Variants in PTPRT observed in about 807,000 individuals in gnomAD.
PTPRT encodes the protein receptor-type tyrosine-protein phosphatase T.
Under a neutral mutation model 176.8 loss-of-function variants are expected in PTPRT, and 56 were observed. The observed-to-expected ratio is 0.32, with a 90% CI of 0.26 to 0.40. The LOEUF is 0.40. PTPRT is among the 10% of genes least tolerant of loss of function. The probability of loss-of-function intolerance (pLI) is 1.00; values close to 1 mark genes in which losing one functional copy is unlikely to be tolerated. For missense variants in PTPRT, 1,540 were observed against 1,908.2 expected (o/e 0.81, Z 3.60); for synonymous variants, 783 against 739.0 (o/e 1.06, Z -0.96).
chr20:42,413,511 T>C (rs1284159139), intron 9 of PTPRT, among the ~76,000 whole-genome samples: 1 of 152,192 alleles, frequency 6.6e-6, no homozygotes, highest in African/African-American at 2.4e-5. Flanking sequence ...ATCTTACTTA[T>C]GAATATGGAC....
chr20:42,399,174 G>A (rs564275463), intron 9 of PTPRT, among the ~76,000 whole-genome samples: 7 of 152,262 alleles, frequency 4.6e-5, no homozygotes, highest in Admixed American at 6.5e-5. Flanking sequence ...TTAAGGGGCT[G>A]GAGACTTAGG....
At chr20:42,883,419 C>A (rs1031839747) in intron 2 of PTPRT, among the ~76,000 whole-genome samples, 3 of 151,856 alleles carry the variant, frequency 2.0e-5, no homozygotes, top group African/African-American at 7.3e-5. Flanking sequence ...AGAAACATGG[C>A]CCCCCGGTTT....
intron 17 of PTPRT, among the ~76,000 whole-genome samples, chr20:42,152,619 C>T (rs935546950): frequency 4.3e-4 from 66 of 152,194 alleles, no homozygotes; most frequent in Non-Finnish European, 1.5e-4. Flanking sequence ...AAATCTCACG[C>T]GAGGGTACCT....
At chr20:42,655,454 G>T (rs2075108683) in intron 7 of PTPRT, among the ~76,000 whole-genome samples, 1 of 152,180 alleles carries the variant, frequency 6.6e-6, no homozygotes, top group South Asian at 2.1e-4. Flanking sequence ...TTGCACCACT[G>T]CACTCCAGCC....
intron 16 of PTPRT, among the ~76,000 whole-genome samples, chr20:42,179,468 C>T (rs1029842224): frequency 2.6e-5 from 4 of 152,100 alleles, no homozygotes; most frequent in African/African-American, 4.8e-5. Flanking sequence ...AATTGCTTTA[C>T]GCAGATAAAA....
At chr20:42,688,757 C>G (rs944701419) in intron 6 of PTPRT, among the ~76,000 whole-genome samples, 1 of 152,144 alleles carries the variant, frequency 6.6e-6, no homozygotes, top group East Asian at 1.9e-4. Context: ...AGCTGATGCC[C>G]CACTGTTCTC....
At chr20:43,147,502 C>A (rs1285252985) in intron 1 of PTPRT, among the ~76,000 whole-genome samples, 1 of 152,128 alleles carries the variant, frequency 6.6e-6, no homozygotes, top group East Asian at 1.9e-4. Context: ...AGCCCCTGTG[C>A]CCAGAGCCTG....
rs374232288 is a variant in PTPRT at position 42,980,225 on chromosome 20, G to A, written c.89-94293C>T. Among the ~76,000 whole-genome samples, 14 of 152,296 alleles carry A rather than the reference G, an allele frequency of 9.2e-5. No individual in the cohort carries two copies. In the East Asian group the frequency reaches 2.7e-3, roughly 29 times the overall value. On this transcript the variant is annotated intron_variant, in intron 1 of 30. Coordinates refer to ENST00000373187, the MANE Select transcript of PTPRT (RefSeq NM_007050.6). ...GAAAAGAAAGGAGAAAAAGAAAAAAGAGAAAACCGGATGAAGCCGCTGGTG... is the reference window on the plus strand; with the variant it reads ...GAAAAGAAAGGAGAAAAAGAAAAAAAAGAAAACCGGATGAAGCCGCTGGTG...
chr20:43,028,238 C>T (rs965660357), intron 1 of PTPRT, among the ~76,000 whole-genome samples: 1 of 152,114 alleles, frequency 6.6e-6, no homozygotes, highest in African/African-American at 2.4e-5. Flanking sequence ...GAGAGAGGCC[C>T]TTCCAGATAC....
intron 1 of PTPRT, among the ~76,000 whole-genome samples, chr20:42,944,542 C>T (rs1462526532): frequency 6.6e-6 from 1 of 152,210 alleles, no homozygotes; most frequent in Admixed American, 6.5e-5. Context: ...CTACTTTCCA[C>T]TTGCTGTTCC....
chr20:42,642,294 A>G lies in PTPRT; in HGVS notation c.1153+35572T>C, dbSNP rs1247302561. Among the ~76,000 whole-genome samples the G allele has an allele frequency of 3.3e-5, 5 of 152,140 alleles. No individual in the cohort carries two copies. In the East Asian group the frequency reaches 7.7e-4, roughly 23 times the overall value. Reference sequence around the variant, plus strand: ...TGATCATTCTTTCACATCACACTATATGAATGACTTCCAACTATTTCCAAG... The same window carrying G: ...TGATCATTCTTTCACATCACACTATGTGAATGACTTCCAACTATTTCCAAG... On this transcript the variant is annotated intron_variant, in intron 7 of 30. Transcript: ENST00000373187.
At position 42,803,823 on chromosome 20, in the gene PTPRT, G is replaced by A. The variant is rs184715897; in HGVS notation, c.215-12357C>T. 2.0e-5 allele frequency among the ~76,000 whole-genome samples: 3 copies of A among 152,258 alleles called. No individual in the cohort carries two copies. In the East Asian group the frequency reaches 5.8e-4, roughly 29 times the overall value. ...CCCGCCTCAGCCTCCCAAAGTGCTG[G>A]GATTACAGGCGTGAACCACCGCGCC... On this transcript the variant is annotated intron_variant, in intron 2 of 30. Coordinates refer to ENST00000373187, the MANE Select transcript of PTPRT (RefSeq NM_007050.6).
At chr20:42,230,388 TG>T (rs2056109758) in intron 15 of PTPRT, among the ~76,000 whole-genome samples, 1 of 152,222 alleles carries the variant, frequency 6.6e-6, no homozygotes, top group Non-Finnish European at 1.5e-5. Flanking sequence ...AAAATACCTC[TG>T]TTCAAAACAA....
rs139617062 is a variant in PTPRT at position 42,436,670 on chromosome 20, C to A, written c.1560+11550G>T. Among the ~76,000 whole-genome samples the A allele has an allele frequency of 1.6e-3, 251 of 152,234 alleles. 1 individual carries two copies. Among genetic ancestry groups the A allele is most frequent in the Admixed American group, 2.6e-3 (40 of 15,290 alleles). On this transcript the variant is annotated intron_variant, in intron 9 of 30. Transcript: ENST00000373187. ...ATTCATTTACCATCTGACCTAGTTTCTAGATAGAAATTCAGGAGAAAATCT... is the reference window on the plus strand; with the variant it reads ...ATTCATTTACCATCTGACCTAGTTTATAGATAGAAATTCAGGAGAAAATCT...
At position 43,057,646 on chromosome 20, in the gene PTPRT, G is replaced by A. The variant is rs535477913; in HGVS notation, c.88+132000C>T. ...CTGGGTGAATGGTACAAGGAACTCT[G>A]TACTATGTTTGCAACTTCTTGTACA... On this transcript the variant is annotated intron_variant, in intron 1 of 30. Coordinates refer to ENST00000373187, the MANE Select transcript of PTPRT (RefSeq NM_007050.6). Among the ~76,000 whole-genome samples the A allele has an allele frequency of 2.0e-5, 3 of 152,312 alleles. No individual in the cohort carries two copies. In the South Asian group the frequency reaches 6.2e-4, roughly 32 times the overall value.
chr20:42,051,634 ACTT>A, the PTPRT span, among the ~76,000 whole-genome samples: 3 of 152,170 alleles, frequency 2.0e-5, no homozygotes, highest in Admixed American at 6.5e-5. Flanking sequence ...TGGTAAAACT[ACTT>A]CTAATTTTGG....
At chr20:43,097,737 GA>G (rs2012225361) in intron 1 of PTPRT, among the ~76,000 whole-genome samples, 1 of 152,102 alleles carries the variant, frequency 6.6e-6, no homozygotes, top group African/African-American at 2.4e-5. Context: ...CATATTCTTG[GA>G]AGAGGGAGAC....
Position 42,108,787 on chromosome 20 carries a change from C to CACTT in PTPRT, c.3254+1542_3254+1545dup, listed in dbSNP as rs149115842. Among the ~76,000 whole-genome samples, 1,273 of 152,294 alleles carry CACTT rather than the reference C, an allele frequency of 8.4e-3. 8 individuals are homozygous for CACTT. Among genetic ancestry groups the CACTT allele is most frequent in the South Asian group, 0.022 (104 of 4,822 alleles). ...TATATGTCAGGCATTCTCTCTTAGG[C>CACTT]ACTTAGCCAACCCATTTGGTAATAA... is the stretch of plus-strand genomic sequence containing the variant. On this transcript the variant is annotated intron_variant, in intron 23 of 30. Transcript: ENST00000373187.
chr20:42,109,354 C>G (rs1394118081), intron 23 of PTPRT, among the ~76,000 whole-genome samples: 1 of 152,122 alleles, frequency 6.6e-6, no homozygotes, highest in Non-Finnish European at 1.5e-5. Flanking sequence ...AGCTGGCCAG[C>G]CTTCAGGTCA....
Sources: allele counts gnomAD v4.1 joint callset (sites outside exome capture counted in the v4.1 genomes callset), GRCh38; gene constraint gnomAD v4.1.1; transcripts MANE v1.5; gene names NCBI Gene and HGNC (gene_info 2026-07-23, HGNC 2026-07-21).